PLCZ1: variants seen among roughly 807,000 people sequenced by gnomAD.
PLCZ1 encodes the protein 1-phosphatidylinositol 4,5-bisphosphate phosphodiesterase zeta-1.
A neutral mutation model predicts 76.8 loss-of-function variants in PLCZ1; 64 were observed. That is an observed-to-expected ratio of 0.83 (90% confidence interval 0.68 to 1.03). The LOEUF (loss-of-function observed/expected upper bound fraction) is 1.03, where lower values mean the gene tolerates loss of function less well. Among genes scored for constraint, PLCZ1 ranks in the 50% least tolerant of loss-of-function variants. The pLI, the probability that PLCZ1 is intolerant of heterozygous loss-of-function variation, is 0.00. For synonymous variants in PLCZ1, 248 were observed against 230.8 expected (o/e 1.07, Z -0.68); for missense variants, 751 against 713.7 (o/e 1.05, Z -0.60).
chr12:18,728,683 C>T (rs1333994344), intron 3 of PLCZ1, among the ~76,000 whole-genome samples: 1 of 151,908 alleles, frequency 6.6e-6, no homozygotes, highest in Non-Finnish European at 1.5e-5. Flanking sequence ...GAGAGGCTAA[C>T]CAGTGGATTT....
Position 18,688,133 on chromosome 12 carries a change from G to A in PLCZ1, c.1547C>T (p.Pro516Leu), listed in dbSNP as rs747019678. The part of the protein sequence containing the change: ...SLVIIEVFGV[P>L]NDQMKQQTRV... ...AGTCTGCTGCTTCATTTGATCATTTGGAACACCAAAAACTTCTATAATTAC... is the reference window on the plus strand; with the variant it reads ...AGTCTGCTGCTTCATTTGATCATTTAGAACACCAAAAACTTCTATAATTAC... The change falls in exon 13 of 15, where the codon CCA becomes CTA. Residue 516 changes from proline to leucine, a missense_variant. Transcript: ENST00000266505. The A allele has an allele frequency of 1.2e-6, 2 of 1,611,180 alleles. No individual in the cohort carries two copies. Among genetic ancestry groups the A allele is most frequent in the Admixed American group, 1.7e-5 (1 of 59,840 alleles).
chr12:18,718,778 T>C (rs1288562402), intron 5 of PLCZ1, among the ~76,000 whole-genome samples: 1 of 152,220 alleles, frequency 6.6e-6, no homozygotes, highest in African/African-American at 2.4e-5. Context: ...TTTACCTGGT[T>C]ATTATCTGTC....
the PLCZ1 span, among the ~76,000 whole-genome samples, chr12:18,650,938 C>G: frequency 6.6e-6 from 1 of 151,582 alleles, no homozygotes; most frequent in African/African-American, 2.4e-5. Context: ...TATGCTTACT[C>G]TGCTCCTTAT....
chr12:18,700,056 C>T, intron 9 of PLCZ1, 106 bp from the exon 10 acceptor site: 1 of 962,792 alleles, frequency 1.0e-6, no homozygotes, highest in Non-Finnish European at 1.6e-6. Flanking sequence ...TTCATCTTTT[C>T]ATAAGATTAT....
At chr12:18,686,483 A>G (rs1953172937) in intron 13 of PLCZ1, among the ~76,000 whole-genome samples, 1 of 151,250 alleles carries the variant, frequency 6.6e-6, no homozygotes, top group Non-Finnish European at 1.5e-5. Context: ...AGCATGTTTA[A>G]ATTGTGTTTT....
intron 12 of PLCZ1, chr12:18,694,154 G>T (rs1228649053): frequency 8.0e-6 from 6 of 750,270 alleles, no homozygotes; most frequent in Admixed American, 5.1e-5. Context: ...TCCCTGAAAG[G>T]GATGAGGCTG....
At chr12:18,726,621 G>A (rs1958765267) in intron 3 of PLCZ1, among the ~76,000 whole-genome samples, 1 of 151,980 alleles carries the variant, frequency 6.6e-6, no homozygotes, top group South Asian at 2.1e-4. Context: ...GAAACAGAAT[G>A]AAGGCTTTCC....
the PLCZ1 span, among the ~76,000 whole-genome samples, chr12:18,665,654 G>A: frequency 3.3e-5 from 5 of 151,978 alleles, no homozygotes; most frequent in African/African-American, 1.2e-4. Context: ...TTAGCCTGGC[G>A]GTCTGGACGC....
chr12:18,652,205 T>A, the PLCZ1 span, among the ~76,000 whole-genome samples: 64 of 152,164 alleles, frequency 4.2e-4, no homozygotes, highest in Middle Eastern at 3.4e-3. Flanking sequence ...TTATTTAAGA[T>A]GAGGTCATAT....
At chr12:18,650,712 CTA>C in the PLCZ1 span, among the ~76,000 whole-genome samples, 199 of 14,572 alleles carry the variant, frequency 0.014, 1 homozygote, top group South Asian at 0.043. Flanking sequence ...GTGTATATAT[CTA>C]TATATATATA....
intron 6 of PLCZ1, among the ~76,000 whole-genome samples, chr12:18,710,569 G>T (rs1254756442): frequency 6.6e-6 from 1 of 152,058 alleles, no homozygotes; most frequent in East Asian, 1.9e-4. Flanking sequence ...AAATCACTCT[G>T]GTTGATATGT....
At chr12:18,729,697 A>G (rs983206258) in intron 3 of PLCZ1, among the ~76,000 whole-genome samples, 1 of 152,094 alleles carries the variant, frequency 6.6e-6, no homozygotes, top group Admixed American at 6.5e-5. Flanking sequence ...AAATGCTATA[A>G]AGACTATTGC....
At chr12:18,717,060 TA>T (rs1467549105) in intron 5 of PLCZ1, among the ~76,000 whole-genome samples, 1 of 152,054 alleles carries the variant, frequency 6.6e-6, no homozygotes, top group Non-Finnish European at 1.5e-5. Context: ...CAAGGAAAAA[TA>T]TTTTGAAAGA....
chr12:18,699,760 A>T, intron 10 of PLCZ1, 34 bp downstream of exon 10: 1 of 1,589,634 alleles, frequency 6.3e-7, no homozygotes, highest in Non-Finnish European at 8.6e-7. Flanking sequence ...TAACTCATTT[A>T]AACATTTCAT....
chr12:18,657,976 T>A, the PLCZ1 span, among the ~76,000 whole-genome samples: 1 of 151,830 alleles, frequency 6.6e-6, no homozygotes, highest in Non-Finnish European at 1.5e-5. Context: ...TCACTTCAAA[T>A]AGAAAACTTC....
At chr12:18,715,031 G>T (rs1034842090) in intron 5 of PLCZ1, 5 of 151,660 alleles carry the variant, frequency 3.3e-5, no homozygotes, top group Non-Finnish European at 7.4e-5. Flanking sequence ...CTTCTTTGGC[G>T]ATCATATGCA....
chr12:18,700,005 A>C, intron 9 of PLCZ1, 55 bp from the exon 10 acceptor site: 2 of 1,496,758 alleles, frequency 1.3e-6, no homozygotes, highest in Non-Finnish European at 1.8e-6. Context: ...GGGAAAAAAA[A>C]TTTTTTCTAG....
At chr12:18,707,682 G>A (rs913112980) in intron 6 of PLCZ1, among the ~76,000 whole-genome samples, 4 of 151,980 alleles carry the variant, frequency 2.6e-5, no homozygotes, top group Non-Finnish European at 4.4e-5. Context: ...GACTTCCCTA[G>A]TCATAATTAT....
At chr12:18,734,130 T>C (rs889988154) in intron 3 of PLCZ1, among the ~76,000 whole-genome samples, 17 of 152,186 alleles carry the variant, frequency 1.1e-4, no homozygotes, top group Admixed American at 1.0e-3. Flanking sequence ...GTTTATTTCA[T>C]CAGTGGTTTA....
Sources: allele counts gnomAD v4.1 joint callset (sites outside exome capture counted in the v4.1 genomes callset), GRCh38; gene constraint gnomAD v4.1.1; transcripts MANE v1.5; gene names NCBI Gene and HGNC (gene_info 2026-07-23, HGNC 2026-07-21).